SRL: variants seen among roughly 807,000 people sequenced by gnomAD.
SRL encodes the protein sarcalumenin.
SRL carries 23 observed loss-of-function variants against 39.5 expected under a neutral mutation model. The ratio of observed to expected loss-of-function variants is 0.58; its 90% CI spans 0.42 to 0.82. The LOEUF is 0.82. Among genes scored for constraint, SRL ranks in the 40% least tolerant of loss-of-function variants. The pLI, the probability that SRL is intolerant of heterozygous loss-of-function variation, is 0.00. For synonymous variants in SRL, 272 were observed against 237.4 expected (o/e 1.15, Z -1.34); for missense variants, 592 against 607.8 (o/e 0.97, Z 0.27).
At chr16:4,207,075 C>G (rs550310846) in intron 1 of SRL, 1 of 453,640 alleles carries the variant, frequency 2.2e-6, no homozygotes, top group South Asian at 1.6e-5. Flanking sequence ...CTGGGGCTCC[C>G]TGGCTTCCTG....
chr16:4,204,018 A>G (rs1482068818), intron 2 of SRL, among the ~76,000 whole-genome samples: 2 of 152,146 alleles, frequency 1.3e-5, no homozygotes, highest in Non-Finnish European at 2.9e-5. Context: ...CTATGGGGTG[A>G]CGAGTCAGGC....
At chr16:4,198,030 A>G (rs551986157) in intron 3 of SRL, 115 bp from the exon 4 acceptor site, 82 of 750,670 alleles carry the variant, frequency 1.1e-4, no homozygotes, top group African/African-American at 1.0e-3. Context: ...GGAATTCTCC[A>G]TGAATCAGAC....
chr16:4,221,788 A>G (rs2052533818), intron 1 of SRL, among the ~76,000 whole-genome samples: 1 of 152,212 alleles, frequency 6.6e-6, no homozygotes, highest in Non-Finnish European at 1.5e-5. Flanking sequence ...TCTGAAACCC[A>G]CAGGAGAGAC....
chr16:4,222,454 TG>T (rs2052540953), intron 1 of SRL, among the ~76,000 whole-genome samples: 1 of 152,220 alleles, frequency 6.6e-6, no homozygotes, highest in South Asian at 2.1e-4. Context: ...TTTGTATTTT[TG>T]GTAGATACGG....
chr16:4,217,189 C>G (rs539283239), intron 1 of SRL, among the ~76,000 whole-genome samples: 4 of 152,266 alleles, frequency 2.6e-5, no homozygotes, highest in Admixed American at 1.3e-4. Flanking sequence ...CTCCAGCCTC[C>G]TAGATAGTGG....
At chr16:4,226,959 C>T (rs1391629540) in intron 1 of SRL, among the ~76,000 whole-genome samples, 1 of 134,662 alleles carries the variant, frequency 7.4e-6, no homozygotes, top group African/African-American at 2.9e-5. Context: ...TGAGTAGATG[C>T]ATGGACGGGT....
Position 4,192,172 on chromosome 16 carries a change from T to C in SRL, c.1403A>G (p.Asn468Ser), listed in dbSNP as rs778895203. Residue 468 changes from asparagine (N) to serine (S), a missense_variant, in exon 6 of 6, where the codon AAT (asparagine) becomes AGT (serine). Asn to Ser is a conservative substitution (Grantham distance 46). Coordinates refer to ENST00000399609, the MANE Select transcript of SRL (RefSeq NM_001098814.2). This position sits in a 1 kb window ranked among gnomAD's most constrained non-coding sequence, Gnocchi z 4.0. ...CACCACCTAGTGCTTCCTGTAGCGA[T>C]TTTTTGGTGTTTCGCTACACCCTGT... is the stretch of plus-strand genomic sequence containing the variant. ...DKTGCSETPK[N>S]RYRKH The C allele has an allele frequency of 1.3e-6, 2 of 1,554,112 alleles. No individual in the cohort carries two copies. Among genetic ancestry groups the C allele is most frequent in the East Asian group, 4.5e-5 (2 of 44,546 alleles).
intron 1 of SRL, among the ~76,000 whole-genome samples, chr16:4,239,303 G>C (rs192462854): frequency 1.5e-4 from 23 of 152,312 alleles, no homozygotes; most frequent in Admixed American, 1.4e-3. Flanking sequence ...GCATGCACCA[G>C]CCCCTTGCCA....
intron 1 of SRL, among the ~76,000 whole-genome samples, chr16:4,205,499 C>T (rs7197434): frequency 5.3e-5 from 8 of 152,078 alleles, no homozygotes; most frequent in East Asian, 3.9e-4. Context: ...AAGCTAAGTG[C>T]GGCTCAGGAG....
In SRL at chr16:4,197,800, T is replaced by G; in HGVS notation, c.375A>C (p.Thr125=). 1 of 1,576,132 alleles carries G rather than the reference T, an allele frequency of 6.3e-7. No homozygotes were observed. Among genetic ancestry groups the G allele is most frequent in the Non-Finnish European group, 8.7e-7 (1 of 1,145,340 alleles). Reference sequence around the variant, plus strand: ...CAATCACACAAGAATATTGATTACCTGTATAGAGCTGATAGCGAGTATTTT... The same window carrying G: ...CAATCACACAAGAATATTGATTACCGGTATAGAGCTGATAGCGAGTATTTT... The part of the protein sequence containing the change: ...GLENTRYQLY[T]GAEPTTSEFT... Residue 125 remains threonine (T), a splice_region_variant and synonymous_variant, in exon 4 of 6, where the codon ACA becomes ACC. Coordinates refer to ENST00000399609, the MANE Select transcript of SRL (RefSeq NM_001098814.2).
intron 1 of SRL, chr16:4,207,006 G>GCTTCCTGGGGATCCCCGC (rs1271653348): frequency 2.2e-6 from 1 of 453,466 alleles, no homozygotes; most frequent in Non-Finnish European, 4.4e-6. Context: ...GGGCTCCTCG[G>GCTTCCTGGGGATCCCCGC]CTTCCTGGGG....
Position 4,195,698 on chromosome 16 carries a change from G to T in SRL, c.465C>A (p.Ser155Arg). The change falls in exon 5 of 6, where the codon AGC (serine) becomes AGA (arginine). Residue 155 changes from serine to arginine, a missense_variant. Physicochemically the swap from Ser to Arg is moderately radical, Grantham distance 110. Transcript: ENST00000399609. ...TIEGIVMAADSARSFSPLEKF... is the reference protein window; with the variant it reads ...TIEGIVMAADRARSFSPLEKF... Reference sequence around the variant, plus strand: ...TCTCAAGGGGTGAGAAGGAACGGGCGCTGTCAGCAGCCATGACGATGCCCT... The same window carrying T: ...TCTCAAGGGGTGAGAAGGAACGGGCTCTGTCAGCAGCCATGACGATGCCCT... 2.5e-6 allele frequency: 4 copies of T among 1,614,062 alleles called. No homozygotes were observed. The highest frequency in any genetic ancestry group is 3.4e-6 in the Non-Finnish European group (4 of 1,179,994).
At chr16:4,228,670 G>A (rs2052623647) in intron 1 of SRL, among the ~76,000 whole-genome samples, 2 of 151,992 alleles carry the variant, frequency 1.3e-5, no homozygotes, top group Non-Finnish European at 1.5e-5. Context: ...AGGAGGCGGA[G>A]CTTGCAGTGA....
chr16:4,224,348 T>C (rs2052563571), intron 1 of SRL, among the ~76,000 whole-genome samples: 2 of 152,044 alleles, frequency 1.3e-5, no homozygotes, highest in Non-Finnish European at 2.9e-5. Flanking sequence ...CTATATACTG[T>C]CACACAGTGG....
intron 1 of SRL, among the ~76,000 whole-genome samples, chr16:4,226,568 T>C (rs1455207442): frequency 2.0e-5 from 3 of 150,442 alleles, no homozygotes; most frequent in East Asian, 3.9e-4. Context: ...GATGGATGGA[T>C]GGGCAGATGA....
intron 4 of SRL, among the ~76,000 whole-genome samples, 165 bp from the exon 5 acceptor site, chr16:4,195,951 A>C (rs1201935179): frequency 6.6e-6 from 1 of 152,142 alleles, no homozygotes; most frequent in Middle Eastern, 3.2e-3. Context: ...AACATACATA[A>C]CATAAAATTT....
chr16:4,241,716 C>T (rs1241975735), intron 1 of SRL, among the ~76,000 whole-genome samples: 1 of 152,168 alleles, frequency 6.6e-6, no homozygotes, highest in African/African-American at 2.4e-5. Flanking sequence ...CCCTCTTTCC[C>T]ACATCTACTG....
At chr16:4,241,484 C>T (rs549301157) in intron 1 of SRL, among the ~76,000 whole-genome samples, 16 of 152,302 alleles carry the variant, frequency 1.1e-4, no homozygotes, top group Admixed American at 3.9e-4. Context: ...ACTCTATTTC[C>T]GATCTTATCC....
At chr16:4,202,389 A>G (rs1826670997) in intron 3 of SRL, among the ~76,000 whole-genome samples, 1 of 152,116 alleles carries the variant, frequency 6.6e-6, no homozygotes, top group Non-Finnish European at 1.5e-5. Context: ...GTCCGCAGAC[A>G]GAGACCATCC....
Sources: allele counts gnomAD v4.1 joint callset (sites outside exome capture counted in the v4.1 genomes callset), GRCh38; gene constraint gnomAD v4.1.1; non-coding constraint Gnocchi (gnomAD v3.1); transcripts MANE v1.5; gene names NCBI Gene and HGNC (gene_info 2026-07-23, HGNC 2026-07-21).